MCTP2: variants seen among roughly 807,000 people sequenced by gnomAD.
The protein encoded by MCTP2 is multiple C2 and transmembrane domain-containing protein 2.
A neutral mutation model predicts 111.6 loss-of-function variants in MCTP2; 132 were observed. That is an observed-to-expected ratio of 1.18 (90% confidence interval 1.03 to 1.37). The LOEUF (loss-of-function observed/expected upper bound fraction) is 1.37, where lower values mean the gene tolerates loss of function less well. Among genes scored for constraint, MCTP2 ranks in the 40% most tolerant of loss-of-function variants. The pLI, the probability that MCTP2 is intolerant of heterozygous loss-of-function variation, is 0.00. For synonymous variants in MCTP2, 395 were observed against 387.7 expected (o/e 1.02, Z -0.22); for missense variants, 1,183 against 1,067.9 (o/e 1.11, Z -1.50).
intron 17 of MCTP2, among the ~76,000 whole-genome samples, chr15:94,409,922 C>T (rs1018982747): frequency 4.7e-5 from 7 of 148,814 alleles, no homozygotes; most frequent in Non-Finnish European, 8.9e-5. Flanking sequence ...TCCTCCTCAC[C>T]CCATTTATCC....
intron 17 of MCTP2, among the ~76,000 whole-genome samples, chr15:94,436,152 C>G (rs918370587): frequency 3.3e-5 from 5 of 152,142 alleles, no homozygotes; most frequent in African/African-American, 7.2e-5. Context: ...TGCAGTGGCT[C>G]TGGTTGTCCC....
At chr15:94,450,366 G>A (rs953346712) in intron 19 of MCTP2, among the ~76,000 whole-genome samples, 12 of 152,308 alleles carry the variant, frequency 7.9e-5, no homozygotes, top group South Asian at 4.1e-4. Flanking sequence ...GCACGCGCAC[G>A]TGTGCGTCTG....
At chr15:94,315,115 T>A (rs1338576445) in intron 3 of MCTP2, among the ~76,000 whole-genome samples, 1 of 152,072 alleles carries the variant, frequency 6.6e-6, no homozygotes, top group South Asian at 2.1e-4. Context: ...GGACGGGGCA[T>A]CTTACATCTG....
intron 17 of MCTP2, among the ~76,000 whole-genome samples, chr15:94,434,857 CT>C (rs751539621): frequency 0.014 from 1,949 of 139,002 alleles, 36 homozygotes; most frequent in African/African-American, 0.047. Context: ...TTCTTTCTTT[CT>C]TTTTTTTTTT....
chr15:94,385,632 C>A (rs529223759), intron 14 of MCTP2, 107 bp downstream of exon 14: 1 of 756,816 alleles, frequency 1.3e-6, no homozygotes, highest in East Asian at 2.5e-5. Context: ...AAAAATCCTC[C>A]TAACTATAGC....
intron 14 of MCTP2, among the ~76,000 whole-genome samples, chr15:94,391,836 G>A (rs144573100): frequency 1.6e-4 from 24 of 152,262 alleles, no homozygotes; most frequent in Non-Finnish European, 3.1e-4. Flanking sequence ...TCTCCTGATG[G>A]CAAGTAGAAA....
chr15:94,282,151 C>T (rs952893678), intron 1 of MCTP2, among the ~76,000 whole-genome samples: 4 of 152,184 alleles, frequency 2.6e-5, no homozygotes, highest in African/African-American at 9.7e-5. Flanking sequence ...TTCCCAGTTG[C>T]TTTCTAACTC....
At chr15:94,348,340 C>A (rs534038134) in intron 8 of MCTP2, among the ~76,000 whole-genome samples, 2 of 146,552 alleles carry the variant, frequency 1.4e-5, no homozygotes, top group Admixed American at 1.4e-4. Flanking sequence ...CTTCCCCTCT[C>A]CCTCTCCTCT....
intron 18 of MCTP2, among the ~76,000 whole-genome samples, chr15:94,440,683 C>T (rs2083729496): frequency 6.6e-6 from 1 of 152,206 alleles, no homozygotes; most frequent in South Asian, 2.1e-4. Context: ...AGGGCTAACT[C>T]TGGCCTTTCC....
At chr15:94,407,923 T>C (rs1323825824) in intron 17 of MCTP2, among the ~76,000 whole-genome samples, 4 of 152,170 alleles carry the variant, frequency 2.6e-5, no homozygotes, top group Non-Finnish European at 5.9e-5. Flanking sequence ...CCTTGAGGAC[T>C]GCTGTTTTCC....
chr15:94,276,858 A>G (rs1468147563), intron 1 of MCTP2, among the ~76,000 whole-genome samples: 3 of 137,012 alleles, frequency 2.2e-5, no homozygotes, highest in Non-Finnish European at 4.8e-5. Flanking sequence ...AAAAAAAAAA[A>G]AGAGATATGT....
intron 1 of MCTP2, among the ~76,000 whole-genome samples, chr15:94,255,642 T>G (rs1442336113): frequency 6.6e-6 from 1 of 151,458 alleles, no homozygotes; most frequent in African/African-American, 2.4e-5. Context: ...TAGGAGAGAG[T>G]GGAGGAGGGC....
At position 94,478,950 on chromosome 15, in the gene MCTP2, C is replaced by T; in HGVS notation, c.2569-16C>T. On this transcript the variant is annotated splice_polypyrimidine_tract_variant and intron_variant, in intron 22 of 22. Transcript: ENST00000357742. ...GGTTACCTAACCGCCAGCATCACGG[C>T]TATTTGTTTTCACAGGTGCAGTATG... 2 of 1,613,526 alleles carry T rather than the reference C, an allele frequency of 1.2e-6. No homozygotes were observed. The highest frequency in any genetic ancestry group is 2.2e-5 in the South Asian group (2 of 91,034).
intron 17 of MCTP2, among the ~76,000 whole-genome samples, chr15:94,427,821 T>C (rs1345004019): frequency 6.6e-6 from 1 of 152,188 alleles, no homozygotes; most frequent in Admixed American, 6.5e-5. Context: ...CTTCAAATTG[T>C]TTGTTTGTGT....
At chr15:94,430,255 C>A (rs1359013335) in intron 17 of MCTP2, among the ~76,000 whole-genome samples, 1 of 152,114 alleles carries the variant, frequency 6.6e-6, no homozygotes. Context: ...GACCTTACAG[C>A]CATCAACCAG....
At chr15:94,440,522 T>C (rs1265511593) in intron 18 of MCTP2, among the ~76,000 whole-genome samples, 1 of 152,230 alleles carries the variant, frequency 6.6e-6, no homozygotes, top group Non-Finnish European at 1.5e-5. Context: ...GAAGGGAGCC[T>C]CTGGTTCATG....
chr15:94,379,808 T>TTA (rs201008582), intron 12 of MCTP2, among the ~76,000 whole-genome samples: 12,131 of 144,694 alleles, frequency 0.084, 1,707 homozygotes, highest in African/African-American at 0.29. Flanking sequence ...TAATATATAA[T>TTA]TATATGACAT....
At chr15:94,318,126 A>G (rs904472462) in intron 4 of MCTP2, among the ~76,000 whole-genome samples, 2 of 152,178 alleles carry the variant, frequency 1.3e-5, no homozygotes, top group African/African-American at 4.8e-5. Context: ...TACTTTTGTC[A>G]AAAATGATTA....
intron 17 of MCTP2, among the ~76,000 whole-genome samples, chr15:94,409,599 A>G (rs1460693712): frequency 6.6e-6 from 1 of 152,006 alleles, no homozygotes; most frequent in Non-Finnish European, 1.5e-5. Context: ...TCCAGATTTT[A>G]GGATCTTCAA....
Sources: gnomAD v4.1 joint callset for allele counts (sites outside exome capture counted in the v4.1 genomes callset) on GRCh38, gnomAD v4.1.1 for gene constraint, MANE v1.5 for transcripts, NCBI Gene and HGNC (gene_info 2026-07-23, HGNC 2026-07-21) for gene names.